Variants in ABCB5 observed in about 807,000 individuals in gnomAD.
The protein encoded by ABCB5 is ATP binding cassette subfamily B member 5, also known as ATP-binding cassette sub-family B member 5.
ABCB5 carries 155 observed loss-of-function variants against 144.2 expected under a neutral mutation model. The observed-to-expected ratio is 1.08, with a 90% CI of 0.94 to 1.23. The LOEUF (loss-of-function observed/expected upper bound fraction) is 1.23, where lower values mean the gene tolerates loss of function less well. ABCB5 is among the 50% of genes most tolerant of loss of function. The pLI, the probability that ABCB5 is intolerant of heterozygous loss-of-function variation, is 0.00. For missense variants in ABCB5, 1,830 were observed against 1,520.8 expected (o/e 1.20, Z -3.38); for synonymous variants, 610 against 528.6 (o/e 1.15, Z -2.11).
chr7:20,745,121 C>G (rs1782678590), intron 25 of ABCB5, 111 bp from the exon 26 acceptor site: 9 of 1,159,926 alleles, frequency 7.8e-6, no homozygotes, highest in Non-Finnish European at 1.0e-5. Flanking sequence ...TTTGAAATAG[C>G]TTGAATTCCT....
intron 26 of ABCB5, among the ~76,000 whole-genome samples, chr7:20,750,664 T>A (rs1782894888): frequency 6.6e-6 from 1 of 152,168 alleles, no homozygotes; most frequent in African/African-American, 2.4e-5. Context: ...ATACGTAGAC[T>A]TTTTTCTTCT....
At chr7:20,673,724 G>C (rs536789370) in intron 14 of ABCB5, among the ~76,000 whole-genome samples, 3 of 151,998 alleles carry the variant, frequency 2.0e-5, no homozygotes, top group African/African-American at 4.8e-5. Flanking sequence ...GAAAATCTCT[G>C]ACTTTTAATT....
rs1365166963 is a variant in ABCB5 at position 20,710,228 on chromosome 7, G to A, written c.2421+5421G>A. Reference sequence around the variant, plus strand: ...TCTCTCTACTAAAAATTAGGTGGGCGTGGTGGGGGGCATCTATAATCCCAG... The same window carrying A: ...TCTCTCTACTAAAAATTAGGTGGGCATGGTGGGGGGCATCTATAATCCCAG... On this transcript the variant is annotated intron_variant, in intron 20 of 27. Transcript: ENST00000404938. Among the ~76,000 whole-genome samples, 13 of 146,900 alleles carry A rather than the reference G, an allele frequency of 8.8e-5. 1 individual carries two copies. The highest frequency in any genetic ancestry group is 2.2e-4 in the South Asian group (1 of 4,502).
chr7:20,710,770 T>TAA (rs1288351520), intron 20 of ABCB5, among the ~76,000 whole-genome samples: 4 of 150,346 alleles, frequency 2.7e-5, no homozygotes, highest in Non-Finnish European at 3.0e-5. Flanking sequence ...CATTTTCATT[T>TAA]AATGTGGTTA....
At chr7:20,734,720 T>C (rs1001266066) in intron 23 of ABCB5, among the ~76,000 whole-genome samples, 2 of 152,110 alleles carry the variant, frequency 1.3e-5, no homozygotes, top group African/African-American at 2.4e-5. Flanking sequence ...CCTAGAAGTT[T>C]ATCTGAAATG....
intron 26 of ABCB5, among the ~76,000 whole-genome samples, chr7:20,752,058 C>T (rs1196319966): frequency 6.6e-6 from 1 of 152,192 alleles, no homozygotes; most frequent in South Asian, 2.1e-4. Flanking sequence ...AATGCACTTC[C>T]TGAAGGCAGT....
At chr7:20,667,329 G>T (rs1047712739) in intron 14 of ABCB5, 9 of 984,622 alleles carry the variant, frequency 9.1e-6, no homozygotes, top group Non-Finnish European at 1.2e-6. Context: ...TAAAACACCT[G>T]TGAAGTGAAT....
intron 14 of ABCB5, among the ~76,000 whole-genome samples, chr7:20,678,188 G>T (rs1017815288): frequency 2.0e-5 from 3 of 151,924 alleles, no homozygotes; most frequent in African/African-American, 7.3e-5. Context: ...ATTATAATAG[G>T]ATACATATTT....
At chr7:20,703,785 C>T (rs1786715185) in intron 19 of ABCB5, among the ~76,000 whole-genome samples, 2 of 152,170 alleles carry the variant, frequency 1.3e-5, no homozygotes, top group African/African-American at 2.4e-5. Flanking sequence ...GTGCTGTCTC[C>T]ATTTGCTGTT....
intron 14 of ABCB5, among the ~76,000 whole-genome samples, chr7:20,680,776 A>T: frequency 1.3e-5 from 2 of 152,244 alleles, no homozygotes; most frequent in East Asian, 1.9e-4. Context: ...TTTAATTTGT[A>T]CCCAACTAGT....
chr7:20,646,594 A>G (rs2128023954), intron 9 of ABCB5, among the ~76,000 whole-genome samples: 1 of 152,348 alleles, frequency 6.6e-6, no homozygotes, highest in Admixed American at 6.5e-5. Flanking sequence ...TTTAAAAAAC[A>G]GACTACATAT....
intron 24 of ABCB5, among the ~76,000 whole-genome samples, chr7:20,740,132 C>T (rs932939599): frequency 2.0e-5 from 3 of 151,928 alleles, no homozygotes; most frequent in African/African-American, 4.8e-5. Context: ...CCCAGCTACT[C>T]GGGAGGGCGA....
At chr7:20,656,910 TTC>T (rs1491046800) in intron 13 of ABCB5, among the ~76,000 whole-genome samples, 5 of 64,436 alleles carry the variant, frequency 7.8e-5, no homozygotes, top group African/African-American at 2.0e-4. Context: ...TTTTTCCTTT[TTC>T]TTTTTTTTTT....
chr7:20,724,605 G>A (rs1389552177), intron 21 of ABCB5, among the ~76,000 whole-genome samples: 2 of 143,064 alleles, frequency 1.4e-5, no homozygotes, highest in African/African-American at 5.3e-5. Context: ...CTCCAACTTG[G>A]GCGACAGAGC....
intron 14 of ABCB5, among the ~76,000 whole-genome samples, chr7:20,666,264 G>A (rs897622556): frequency 3.9e-5 from 6 of 152,132 alleles, no homozygotes; most frequent in African/African-American, 1.4e-4. Flanking sequence ...CAACCTTTTG[G>A]AAGGCAGTGA....
intron 25 of ABCB5, 73 bp downstream of exon 25, chr7:20,743,147 C>G: frequency 6.7e-7 from 1 of 1,503,430 alleles, no homozygotes; most frequent in Non-Finnish European, 9.1e-7. Flanking sequence ...AGGGCTTAAG[C>G]ATCCCCACTG....
chr7:20,667,648 T>C (rs1785242906), intron 14 of ABCB5: 1 of 793,906 alleles, frequency 1.3e-6, no homozygotes, highest in South Asian at 5.8e-5. Context: ...TCTGTTTGCT[T>C]TTGGAAAATA....
Position 20,753,404 on chromosome 7 carries a change from C to T in ABCB5, c.3474C>T (p.Gly1158=), listed in dbSNP as rs148088276. ...QVGLKGAQLS[G]GQKQRLAIAR... is the part of the protein sequence containing the mutation. ...GACTGAAAGGAGCACAGCTTTCTGG[C>T]GGCCAGAAACAAAGACTAGCTATTG... Residue 1158 remains glycine (G), a synonymous_variant, in exon 27 of 28, where the codon GGC becomes GGT. Transcript: ENST00000404938. 481 of 1,613,948 alleles carry T rather than the reference C, an allele frequency of 3.0e-4. 3 individuals carry two copies. The East Asian group carries it at 6.5e-3, about 22-fold the overall frequency.
intron 4 of ABCB5, among the ~76,000 whole-genome samples, chr7:20,630,978 G>A (rs1583379268): frequency 6.6e-6 from 1 of 152,278 alleles, no homozygotes; most frequent in Middle Eastern, 3.4e-3. Context: ...CATTGTTAAA[G>A]AGAAGTAGGG....
Sources: gnomAD v4.1 joint callset for allele counts (sites outside exome capture counted in the v4.1 genomes callset) on GRCh38, gnomAD v4.1.1 for gene constraint, MANE v1.5 for transcripts, NCBI Gene and HGNC (gene_info 2026-07-23, HGNC 2026-07-21) for gene names.